APOL1: variants seen among roughly 807,000 people sequenced by gnomAD.
APOL1 encodes apolipoprotein L1.
APOL1 carries 17 observed loss-of-function variants against 14.9 expected under a neutral mutation model. The observed-to-expected ratio is 1.14, with a 90% CI of 0.78 to 1.71. APOL1 has a LOEUF of 1.71. Ranked by LOEUF, APOL1 falls within the 40% of genes most tolerant of loss-of-function variation. The pLI is 0.00. For synonymous variants in APOL1, 195 were observed against 184.8 expected (o/e 1.05, Z -0.45); for missense variants, 523 against 485.9 (o/e 1.08, Z -0.72).
rs1391273365 is a variant in APOL1 at position 36,265,604 on chromosome 22, G to A, written c.768G>A (p.Glu256=). ...TTGACAAATTGAAGGAGGTGAGGGA[G>A]TTTTTGGGTGAGAACATATCCAACT... The part of the protein sequence containing the change: ...KSLDKLKEVR[E]FLGENISNFL... Residue 256 remains glutamate, a synonymous_variant, in exon 6 of 6, where the codon GAG becomes GAA. Transcript: ENST00000397278. The A allele has an allele frequency of 2.5e-6, 4 of 1,595,956 alleles. No individual in the cohort carries two copies. Among genetic ancestry groups the A allele is most frequent in the Non-Finnish European group, 1.7e-6 (2 of 1,171,336 alleles).
At chr22:36,258,130 C>T (rs1368723125) in intron 4 of APOL1, among the ~76,000 whole-genome samples, 3 of 152,192 alleles carry the variant, frequency 2.0e-5, no homozygotes, top group African/African-American at 7.2e-5. Flanking sequence ...CCTGTTGATT[C>T]CAGGTGGAAG....
In APOL1 at chr22:36,257,083, G is replaced by T. The variant is rs2015905635; in HGVS notation, c.45G>T (p.Trp15Cys). The T allele has an allele frequency of 6.2e-7, 1 of 1,614,052 alleles. No homozygotes were observed. The highest frequency in any genetic ancestry group is 1.3e-5 in the African/African-American group (1 of 74,904). Residue 15 changes from tryptophan (W) to cysteine (C), a missense_variant and splice_region_variant, in exon 3 of 6, where the codon TGG becomes TGT. Transcript: ENST00000397278. ...ALLRVSVLCI[W>C]MSALFLGVGV... Reference sequence around the variant, plus strand: ...TTATCTTCTCCTCATACCCCAACAGGATGAGTGCACTTTTCCTTGGTGTGG... The same window carrying T: ...TTATCTTCTCCTCATACCCCAACAGTATGAGTGCACTTTTCCTTGGTGTGG...
At chr22:36,258,666 G>A (rs2015972265) in intron 4 of APOL1, among the ~76,000 whole-genome samples, 1 of 152,218 alleles carries the variant, frequency 6.6e-6, no homozygotes, top group African/African-American at 2.4e-5. Context: ...AGAAGAGCCA[G>A]TCGGGCCCAG....
chr22:36,266,621 G>T lies in APOL1; in HGVS notation c.*588G>T. ...TTACTTTAGACTAAAGAATATATTG[G>T]GGGGCCGGGTGTAGTGGCTCATGCC... On this transcript the variant is annotated 3_prime_UTR_variant, in exon 6 of 6. Coordinates refer to ENST00000397278, the MANE Select transcript of APOL1 (RefSeq NM_003661.4). The T allele has an allele frequency of 2.5e-6, 1 of 398,076 alleles. No individual in the cohort carries two copies. Among genetic ancestry groups the T allele is most frequent in the Non-Finnish European group, 4.4e-6 (1 of 225,828 alleles). The allele number at this position is 398,076 out of a possible 1,614,324, so 24.7% of individuals were successfully genotyped here. A position where few individuals can be genotyped will look rare whatever the true frequency, so the allele number is the denominator to read the frequency against.
chr22:36,261,140 T>C (rs1254415948), intron 4 of APOL1, among the ~76,000 whole-genome samples: 3 of 152,230 alleles, frequency 2.0e-5, no homozygotes, highest in Admixed American at 1.3e-4. Flanking sequence ...TATCACAGGC[T>C]GGGTGACTTC....
Position 36,265,738 on chromosome 22 carries a change from C to T in APOL1, c.902C>T (p.Ala301Val), listed in dbSNP as rs1226048590. 6.2e-7 allele frequency: 1 copy of T among 1,613,956 alleles called. No homozygotes were observed. Among genetic ancestry groups the T allele is most frequent in the African/African-American group, 1.3e-5 (1 of 74,922 alleles). The change falls in exon 6 of 6, where the codon GCC becomes GTC. Residue 301 changes from alanine (A) to valine (V), a missense_variant. By Grantham distance (64) the Ala-to-Val change is moderately conservative. Coordinates refer to ENST00000397278, the MANE Select transcript of APOL1 (RefSeq NM_003661.4). The part of the protein sequence containing the change: ...ANLQSVPHAS[A>V]SRPRVTEPIS... ...CTTCAGTCAGTACCGCATGCCTCAG[C>T]CTCACGCCCCCGGGTCACTGAGCCA... is the stretch of plus-strand genomic sequence containing the variant.
chr22:36,260,733 C>G (rs2016049363), intron 4 of APOL1, among the ~76,000 whole-genome samples: 1 of 152,204 alleles, frequency 6.6e-6, no homozygotes. Context: ...CGTGTCCTTT[C>G]TAAAATAGTG....
In APOL1 at chr22:36,253,876, T is replaced by C. The variant is rs2015769874; in HGVS notation, c.-20+657T>C. On this transcript the variant is annotated intron_variant, in intron 1 of 5. Coordinates refer to ENST00000397278, the MANE Select transcript of APOL1 (RefSeq NM_003661.4). ...TGGAGAAGAAACAGGCTGTGCTGTG[T>C]CCCTAATGGGAAACGTGGCTGAGAC... The C allele has an allele frequency of 1.8e-5, 27 of 1,521,088 alleles. No homozygotes were observed. In the South Asian group the frequency reaches 2.6e-4, roughly 15 times the overall value. 94.2% of individuals were successfully genotyped at this position (1,521,088 alleles called of 1,614,324 possible).
intron 2 of APOL1, among the ~76,000 whole-genome samples, chr22:36,255,505 T>C (rs184268603): frequency 1.3e-5 from 2 of 151,618 alleles, no homozygotes; most frequent in Admixed American, 1.3e-4. Context: ...CTCTGCATAC[T>C]CCCCTGGTGA....
chr22:36,261,534 GC>G, intron 4 of APOL1, 61 bp from the exon 5 acceptor site: 2 of 1,526,008 alleles, frequency 1.3e-6, no homozygotes, highest in Non-Finnish European at 1.8e-6. Flanking sequence ...CATCTCTTAT[GC>G]AATGGCTGTT....
rs570232115 is a variant in APOL1 at position 36,259,794 on chromosome 22, A to G, written c.188-1802A>G. ...GGGTCCCGCCCCCATGCCCCGTCGA[A>G]GAACCCCCTCCACTGCCCATCTGAG... On this transcript the variant is annotated intron_variant, in intron 4 of 5. Transcript: ENST00000397278. 39 of 1,304,278 alleles carry G rather than the reference A, an allele frequency of 3.0e-5. No individual in the cohort carries two copies. The Admixed American group carries it at 6.7e-4, about 22-fold the overall frequency. 80.8% of individuals were successfully genotyped at this position (1,304,278 alleles called of 1,614,324 possible).
At chr22:36,258,053 G>T (rs1433455451) in intron 4 of APOL1, among the ~76,000 whole-genome samples, 1 of 152,154 alleles carries the variant, frequency 6.6e-6, no homozygotes, top group African/African-American at 2.4e-5. Flanking sequence ...CGGCTACCTG[G>T]CCTGGCCAGT....
chr22:36,256,301 G>C (rs2015875429), intron 2 of APOL1, among the ~76,000 whole-genome samples: 1 of 152,208 alleles, frequency 6.6e-6, no homozygotes, highest in South Asian at 2.1e-4. Flanking sequence ...GTGGCTCTAG[G>C]TATAAAGCCT....
In APOL1 at chr22:36,267,167, T is replaced by C. The variant is rs58384577; in HGVS notation, c.*1134T>C. 9,431 of 152,442 alleles carry C rather than the reference T, an allele frequency of 0.062. 1,084 individuals carry two copies. Among genetic ancestry groups the C allele is most frequent in the African/African-American group, 0.22 (9,127 of 41,442 alleles). The allele number at this position is 152,442 out of a possible 1,614,324, so 9.4% of individuals were successfully genotyped here. On this transcript the variant is annotated 3_prime_UTR_variant, in exon 6 of 6. Coordinates refer to ENST00000397278, the MANE Select transcript of APOL1 (RefSeq NM_003661.4). Reference sequence around the variant, plus strand: ...ACTCTCCCTTGTCCTCCTGGGGGCATATCTCAGTCAGGCAGCGGCTTCCTG... The same window carrying C: ...ACTCTCCCTTGTCCTCCTGGGGGCACATCTCAGTCAGGCAGCGGCTTCCTG...
At chr22:36,257,520 G>T (rs1018219194) in intron 4 of APOL1, 113 bp downstream of exon 4, 10 of 1,117,328 alleles carry the variant, frequency 8.9e-6, no homozygotes, top group Non-Finnish European at 1.4e-5. Context: ...AGGCCAATGA[G>T]TCTGCCCAAA....
At chr22:36,255,444 GC>G (rs2015839835) in intron 2 of APOL1, among the ~76,000 whole-genome samples, 1 of 152,390 alleles carries the variant, frequency 6.6e-6, no homozygotes, top group South Asian at 2.1e-4. Flanking sequence ...GCGAAGGGAT[GC>G]CCCTCTCCTG....
At chr22:36,253,406 C>G (rs2015754107) in intron 1 of APOL1, among the ~76,000 whole-genome samples, 187 bp downstream of exon 1, 1 of 152,216 alleles carries the variant, frequency 6.6e-6, no homozygotes, top group Admixed American at 6.5e-5. Context: ...GTTGGGGAAA[C>G]AGCTCAGATG....
chr22:36,266,551 G>T lies in APOL1; in HGVS notation c.*518G>T. 1 of 399,440 alleles carries T rather than the reference G, an allele frequency of 2.5e-6. No homozygotes were observed. Among genetic ancestry groups the T allele is most frequent in the Non-Finnish European group, 4.4e-6 (1 of 226,848 alleles). The allele number at this position is 399,440 out of a possible 1,614,324, so 24.7% of individuals were successfully genotyped here. A position where few individuals can be genotyped will look rare whatever the true frequency, so the allele number is the denominator to read the frequency against. ...GCAGGAACATTGGAGCCTGCAATAAGGGAAAAATGGGAACTGGAGAGTGTG... is the reference window on the plus strand; with the variant it reads ...GCAGGAACATTGGAGCCTGCAATAATGGAAAAATGGGAACTGGAGAGTGTG... On this transcript the variant is annotated 3_prime_UTR_variant, in exon 6 of 6. Transcript: ENST00000397278.
intron 4 of APOL1, 48 bp from the exon 5 acceptor site, chr22:36,261,548 G>A (rs376577052): frequency 6.3e-6 from 10 of 1,575,306 alleles, no homozygotes; most frequent in Admixed American, 5.0e-5. Flanking sequence ...TGGCTGTTAT[G>A]CACTCCCACA....
Sources: gnomAD v4.1 joint callset for allele counts (sites outside exome capture counted in the v4.1 genomes callset) on GRCh38, gnomAD v4.1.1 for gene constraint, MANE v1.5 for transcripts, NCBI Gene and HGNC (gene_info 2026-07-23, HGNC 2026-07-21) for gene names.